The following FHIT variants were observed in gnomAD, a reference collection of about 807,000 sequenced individuals.
FHIT encodes the protein bis(5'-adenosyl)-triphosphatase.
Under a neutral mutation model 17.9 loss-of-function variants are expected in FHIT, and 19 were observed. The ratio of observed to expected loss-of-function variants is 1.06; its 90% CI spans 0.74 to 1.56. The LOEUF is 1.56. FHIT is among the 40% of genes most tolerant of loss of function. The pLI is 0.00. For missense variants in FHIT, 248 were observed against 189.2 expected, an observed-to-expected ratio of 1.31 and a Z score of -1.82; for synonymous variants, 81 against 69.7, an observed-to-expected ratio of 1.16 and a Z score of -0.81.
chr3:60,948,964 T>C (rs1312318815), intron 3 of FHIT, among the ~76,000 whole-genome samples: 4 of 151,888 alleles, frequency 2.6e-5, no homozygotes, highest in Non-Finnish European at 5.9e-5. Flanking sequence ...AAGCAGGGCA[T>C]AAAATATTCC....
chr3:61,201,829 TGA>T (rs2039022145), intron 1 of FHIT, among the ~76,000 whole-genome samples: 6 of 152,160 alleles, frequency 3.9e-5, no homozygotes, highest in Admixed American at 3.3e-4. Flanking sequence ...ATTGCATTTG[TGA>T]AATCTAAGAG....
At chr3:59,807,827 C>T (rs1225668014) in intron 8 of FHIT, among the ~76,000 whole-genome samples, 2 of 152,064 alleles carry the variant, frequency 1.3e-5, no homozygotes, top group African/African-American at 2.4e-5. Flanking sequence ...CAACGTGGGC[C>T]GTGGAAAAGG....
intron 4 of FHIT, among the ~76,000 whole-genome samples, chr3:60,749,209 C>T (rs574688283): frequency 3.3e-4 from 51 of 152,282 alleles, no homozygotes; most frequent in Non-Finnish European, 1.6e-4. Context: ...ATTGAGTCTC[C>T]TTCCTAGGAG....
rs557553415 is a variant in FHIT at position 59,999,110 on chromosome 3, G to A, written c.279+12261C>T. ...ATAATCCATTGATGTCCCTGACTCG[G>A]GTTTTCTCGCAGTCGACAAATGGGG... On this transcript the variant is annotated intron_variant, in intron 7 of 9. Transcript: ENST00000492590. 2.0e-5 allele frequency among the ~76,000 whole-genome samples: 3 copies of A among 152,098 alleles called. No individual in the cohort carries two copies. In the South Asian group the frequency reaches 6.2e-4, roughly 32 times the overall value.
At chr3:60,273,586 G>C (rs190885453) in intron 5 of FHIT, among the ~76,000 whole-genome samples, 1 of 152,006 alleles carries the variant, frequency 6.6e-6, no homozygotes, top group African/African-American at 2.4e-5. Flanking sequence ...TCCAGCCAGA[G>C]CAACAGTGCA....
intron 5 of FHIT, among the ~76,000 whole-genome samples, chr3:60,392,103 CAA>C (rs1701256162): frequency 6.6e-6 from 1 of 152,130 alleles, no homozygotes; most frequent in Non-Finnish European, 1.5e-5. Flanking sequence ...GCATAGATTT[CAA>C]ACTTTTCTTC....
intron 5 of FHIT, among the ~76,000 whole-genome samples, chr3:60,118,376 G>A (rs1705077311): frequency 6.6e-6 from 1 of 151,446 alleles, no homozygotes; most frequent in African/African-American, 2.4e-5. Flanking sequence ...CCAAAGCGCT[G>A]GGATTATACG....
chr3:60,463,727 T>C (rs1244394775), intron 5 of FHIT, among the ~76,000 whole-genome samples: 1 of 152,186 alleles, frequency 6.6e-6, no homozygotes, highest in Non-Finnish European at 1.5e-5. Flanking sequence ...TCAAAAAAAC[T>C]TAGACCAGTT....
intron 8 of FHIT, among the ~76,000 whole-genome samples, chr3:59,807,807 G>T (rs984405060): frequency 6.6e-6 from 1 of 152,132 alleles, no homozygotes; most frequent in African/African-American, 2.4e-5. Context: ...ACAGGAGAAA[G>T]AAACATTAAC....
intron 8 of FHIT, among the ~76,000 whole-genome samples, chr3:59,774,874 C>T (rs1013977775): frequency 6.6e-6 from 1 of 152,196 alleles, no homozygotes; most frequent in East Asian, 1.9e-4. Flanking sequence ...GCTTGCCAAA[C>T]TCAAATTCTT....
At chr3:60,189,891 A>G (rs755696497) in intron 5 of FHIT, among the ~76,000 whole-genome samples, 1 of 152,182 alleles carries the variant, frequency 6.6e-6, no homozygotes, top group Admixed American at 6.5e-5. Context: ...AAAACTACTA[A>G]TTAGAGGTGG....
At chr3:60,414,628 A>G (rs1702177937) in intron 5 of FHIT, among the ~76,000 whole-genome samples, 1 of 152,214 alleles carries the variant, frequency 6.6e-6, no homozygotes, top group Non-Finnish European at 1.5e-5. Context: ...AAGCATTGCT[A>G]TATTAACACA....
At chr3:59,975,457 C>A (rs1708368090) in intron 7 of FHIT, among the ~76,000 whole-genome samples, 1 of 152,054 alleles carries the variant, frequency 6.6e-6, no homozygotes, top group African/African-American at 2.4e-5. Context: ...CCTGGCCACA[C>A]AGTAACTAAA....
chr3:60,458,569 C>T (rs1280937757), intron 5 of FHIT, among the ~76,000 whole-genome samples: 1 of 144,350 alleles, frequency 6.9e-6, no homozygotes, highest in Non-Finnish European at 1.5e-5. Flanking sequence ...GCACATGTAC[C>T]CTAAAACTTA....
intron 5 of FHIT, among the ~76,000 whole-genome samples, chr3:60,120,414 G>A (rs903234944): frequency 2.6e-5 from 4 of 152,172 alleles, no homozygotes; most frequent in Non-Finnish European, 5.9e-5. Context: ...GTCCCATGCA[G>A]GGCACCTGCA....
intron 5 of FHIT, among the ~76,000 whole-genome samples, chr3:60,398,913 C>T (rs1473662193): frequency 2.0e-5 from 3 of 151,850 alleles, no homozygotes; most frequent in African/African-American, 4.8e-5. Flanking sequence ...TATGCATATA[C>T]ACATGTAATC....
intron 3 of FHIT, among the ~76,000 whole-genome samples, chr3:60,950,485 CTTT>C (rs199681114): frequency 7.1e-6 from 1 of 140,432 alleles, no homozygotes. Flanking sequence ...GCTTTTTTTT[CTTT>C]TTTTTTTTTT....
intron 2 of FHIT, among the ~76,000 whole-genome samples, chr3:61,083,971 T>C (rs539599235): frequency 1.3e-5 from 2 of 152,300 alleles, no homozygotes; most frequent in African/African-American, 2.4e-5. Context: ...ATAGTGTTTT[T>C]TCATGTCCTG....
intron 5 of FHIT, among the ~76,000 whole-genome samples, chr3:60,333,986 C>T (rs1469006632): frequency 6.6e-6 from 1 of 151,814 alleles, no homozygotes; most frequent in Non-Finnish European, 1.5e-5. Flanking sequence ...TCTCTGCCTA[C>T]ATAAACCCCT....
Sources: allele counts gnomAD v4.1 joint callset (sites outside exome capture counted in the v4.1 genomes callset), GRCh38; gene constraint gnomAD v4.1.1; transcripts MANE v1.5; gene names NCBI Gene and HGNC (gene_info 2026-07-23, HGNC 2026-07-21).